AIMP2: variants seen among roughly 807,000 people sequenced by gnomAD.
AIMP2 encodes the protein aminoacyl tRNA synthetase complex interacting multifunctional protein 2.
A neutral mutation model predicts 23.4 loss-of-function variants in AIMP2; 20 were observed. That is an observed-to-expected ratio of 0.85 (90% CI 0.60 to 1.24). The LOEUF is 1.24. Ranked by LOEUF, AIMP2 falls within the 50% of genes most tolerant of loss-of-function variation. The pLI, the probability that AIMP2 is intolerant of heterozygous loss-of-function variation, is 0.00. For synonymous variants in AIMP2, 210 were observed against 170.4 expected, an observed-to-expected ratio of 1.23 and a Z score of -1.81; for missense variants, 515 against 414.5, an observed-to-expected ratio of 1.24 and a Z score of -2.10.
At chr7:6,021,989 G>A (rs1168589938) in intron 3 of AIMP2, among the ~76,000 whole-genome samples, 1 of 152,060 alleles carries the variant, frequency 6.6e-6, no homozygotes, top group African/African-American at 2.4e-5. Flanking sequence ...AAGACAGCAA[G>A]ACCAACCCCT....
chr7:6,021,338 C>CAAA (rs563523048), intron 3 of AIMP2, among the ~76,000 whole-genome samples: 729 of 65,646 alleles, frequency 0.011, 13 homozygotes, highest in Middle Eastern at 0.038. Context: ...GACTCCATCT[C>CAAA]AAAAAAAAAA....
At chr7:6,012,650 C>A in intron 1 of AIMP2, 1 of 350,652 alleles carries the variant, frequency 2.9e-6, no homozygotes, top group Non-Finnish European at 6.1e-6. Flanking sequence ...CACTGTCTCC[C>A]GGGTTCAAGC....
chr7:6,022,319 TAATC>T (rs1383862558), intron 3 of AIMP2: 3 of 152,220 alleles, frequency 2.0e-5, no homozygotes, highest in South Asian at 2.1e-4. Flanking sequence ...CAAAACGTGT[TAATC>T]AACTGTGATG....
intron 1 of AIMP2, among the ~76,000 whole-genome samples, chr7:6,013,552 C>G (rs573113306): frequency 1.3e-5 from 2 of 152,106 alleles, no homozygotes; most frequent in Non-Finnish European, 2.9e-5. Flanking sequence ...TCAGTCAGCG[C>G]GCCCAGCCTT....
At chr7:6,021,921 C>A (rs535555988) in intron 3 of AIMP2, among the ~76,000 whole-genome samples, 1 of 152,080 alleles carries the variant, frequency 6.6e-6, no homozygotes, top group Non-Finnish European at 1.5e-5. Flanking sequence ...AAAGTTACAC[C>A]GTGCTTGCCT....
chr7:6,009,968 A>AT (rs1289301847), intron 1 of AIMP2, among the ~76,000 whole-genome samples: 584 of 36,476 alleles, frequency 0.016, 10 homozygotes, highest in African/African-American at 0.04. Context: ...AAAAAAAAAA[A>AT]AAAAAAATAT....
At chr7:6,012,902 A>G (rs1193583329) in intron 1 of AIMP2, 1 of 989,146 alleles carries the variant, frequency 1.0e-6, no homozygotes, top group East Asian at 1.1e-4. Flanking sequence ...CCCGGAAGTC[A>G]GTGGACTTCA....
chr7:6,023,574 G>C lies in AIMP2; in HGVS notation c.846G>C (p.Trp282Cys). ...TCACCGTAGCAGACGTGGTGCTGTG[G>C]TCTGTACTCCAGCAGATCGGAGGCT... Reference protein sequence around the residue: ...NELTVADVVLWSVLQQIGGCS... With the variant: ...NELTVADVVLCSVLQQIGGCS... Residue 282 changes from tryptophan to cysteine, a missense_variant, in exon 4 of 4, where the codon TGG (tryptophan) becomes TGC (cysteine). Trp to Cys is a radical substitution (Grantham distance 215, BLOSUM62 -2). Transcript: ENST00000223029. The C allele has an allele frequency of 6.2e-7, 1 of 1,614,216 alleles. No individual in the cohort carries two copies. Among genetic ancestry groups the C allele is most frequent in the South Asian group, 1.1e-5 (1 of 91,088 alleles).
Position 6,017,817 on chromosome 7 carries a change from T to TA in AIMP2, c.347dup (p.Tyr116Ter), listed in dbSNP as rs1562727569. 6.2e-7 allele frequency: 1 copy of TA among 1,613,306 alleles called. No homozygotes were observed. The highest frequency in any genetic ancestry group is 8.5e-7 in the Non-Finnish European group (1 of 1,179,544). ...LDLNSVLGKD[Y>*]GALKDIVINA... ...CATTGTCTTGGTCTTTCCCCAGGAT[T>TA]ACGGGGCGCTGAAAGACATCGTGAT... Residue 116 changes from tyrosine (Y) to a stop codon, truncating the protein, a stop_gained and frameshift_variant, in exon 3 of 4, where the codon TAC becomes TAAC. Coordinates refer to ENST00000223029, the MANE Select transcript of AIMP2 (RefSeq NM_006303.4). LOFTEE classifies it high-confidence loss of function.
rs769728324 is a variant in AIMP2, at chr7:6,015,312, T to C, written c.302T>C (p.Leu101Ser). The C allele has an allele frequency of 6.2e-7, 1 of 1,614,112 alleles. No individual in the cohort carries two copies. Among genetic ancestry groups the C allele is most frequent in the African/African-American group, 1.3e-5 (1 of 74,938 alleles). Residue 101 changes from leucine to serine, a missense_variant, in exon 2 of 4, where the codon TTA becomes TCA. Transcript: ENST00000223029. ...NIIQADEPTT[L>S]TTNALDLNSV... ...ATCCAAGCGGATGAGCCCACGACTTTAACCACCAATGCGCTGGACTTGAAT... is the reference window on the plus strand; with the variant it reads ...ATCCAAGCGGATGAGCCCACGACTTCAACCACCAATGCGCTGGACTTGAAT...
At position 6,010,765 on chromosome 7, in the gene AIMP2, C is replaced by T. The variant is rs1297922443; in HGVS notation, c.135+1267C>T. Among the ~76,000 whole-genome samples, 3 of 151,254 alleles carry T rather than the reference C, an allele frequency of 2.0e-5. No homozygotes were observed. The East Asian group carries it at 5.8e-4, about 29-fold the overall frequency. On this transcript the variant is annotated intron_variant, in intron 1 of 3. Coordinates refer to ENST00000223029, the MANE Select transcript of AIMP2 (RefSeq NM_006303.4). ...TGCCCGGCCCCTAAACAATAGTCTT[C>T]ATATAGGTAAGCATACAGCGTATAG...
intron 2 of AIMP2, among the ~76,000 whole-genome samples, chr7:6,015,950 C>T (rs1787006205): frequency 6.6e-6 from 1 of 152,144 alleles, no homozygotes; most frequent in African/African-American, 2.4e-5. Flanking sequence ...CTCTGCCAGT[C>T]CGGGCATGGG....
chr7:6,009,272 A>C lies in AIMP2; in HGVS notation c.-92A>C. On this transcript the variant is annotated 5_prime_UTR_variant, in exon 1 of 4. Transcript: ENST00000223029. ...TTTCCCGAACGCCCGCAGCAGGGTC[A>C]GAAGGGAGGTGGCCGGTCTCCGTCG... 6.2e-7 allele frequency: 1 copy of C among 1,601,138 alleles called. No homozygotes were observed. Among genetic ancestry groups the C allele is most frequent in the South Asian group, 1.1e-5 (1 of 90,188 alleles).
At chr7:6,023,134 T>G in intron 3 of AIMP2, 169 bp from the exon 4 acceptor site, 1 of 765,324 alleles carries the variant, frequency 1.3e-6, no homozygotes, top group Non-Finnish European at 2.0e-6. Flanking sequence ...TAAACCCTTT[T>G]CAGTAGTAAG....
intron 2 of AIMP2, among the ~76,000 whole-genome samples, chr7:6,017,369 A>G (rs1425837764): frequency 2.6e-5 from 4 of 151,956 alleles, no homozygotes; most frequent in Non-Finnish European, 4.4e-5. Context: ...TTAAAAAAAA[A>G]AAAATTAGCT....
At chr7:6,017,550 A>G (rs1787098045) in intron 2 of AIMP2, among the ~76,000 whole-genome samples, 1 of 150,002 alleles carries the variant, frequency 6.7e-6, no homozygotes, top group Admixed American at 6.6e-5. Flanking sequence ...GTCATTCCTC[A>G]TATGTTGTTT....
rs1240496055 is a variant in AIMP2 at position 6,014,948 on chromosome 7, G to A, written c.136-198G>A. 6.5e-6 allele frequency: 8 copies of A among 1,227,412 alleles called. No homozygotes were observed. The East Asian group carries it at 1.9e-4, about 30-fold the overall frequency. 76.0% of individuals were successfully genotyped at this position (1,227,412 alleles called of 1,614,324 possible). ...TTGGCCAGGCTGGTCTTGAACTCCTGACGTCAGATGATCTGCCTACCTGGA... is the reference window on the plus strand; with the variant it reads ...TTGGCCAGGCTGGTCTTGAACTCCTAACGTCAGATGATCTGCCTACCTGGA... On this transcript the variant is annotated intron_variant, in intron 1 of 3. Transcript: ENST00000223029.
chr7:6,022,248 TATTTTCTTAAC>T (rs1787478129), intron 3 of AIMP2: 1 of 152,128 alleles, frequency 6.6e-6, no homozygotes, highest in African/African-American at 2.4e-5. Context: ...GCATCCTTAT[TATTTTCTTAAC>T]ATTTTCTCAA....
At chr7:6,013,024 G>A in intron 1 of AIMP2, 1 of 936,164 alleles carries the variant, frequency 1.1e-6, no homozygotes, top group African/African-American at 1.8e-5. Context: ...AGAAGGAAGA[G>A]TGATGCAGAT....
Sources: allele counts gnomAD v4.1 joint callset (sites outside exome capture counted in the v4.1 genomes callset), GRCh38; gene constraint gnomAD v4.1.1; transcripts MANE v1.5; gene names NCBI Gene and HGNC (gene_info 2026-07-23, HGNC 2026-07-21).